Variants in LRMDA observed in about 807,000 individuals in gnomAD.
The protein encoded by LRMDA is leucine-rich melanocyte differentiation-associated protein.
Under a neutral mutation model 29.8 loss-of-function variants are expected in LRMDA, and 18 were observed. The observed-to-expected ratio is 0.60, with a 90% CI of 0.42 to 0.90. LRMDA has a LOEUF of 0.90. Among genes scored for constraint, LRMDA ranks in the 40% least tolerant of loss-of-function variants. The pLI, the probability that LRMDA is intolerant of heterozygous loss-of-function variation, is 0.00. For missense variants in LRMDA, 273 were observed against 273.9 expected (o/e 1.00, Z 0.02); for synonymous variants, 125 against 109.4 (o/e 1.14, Z -0.89).
intron 2 of LRMDA, chr10:75,450,751 C>T (rs1004275566): frequency 1.3e-5 from 2 of 152,224 alleles, no homozygotes; most frequent in Admixed American, 6.5e-5. Context: ...CAGGCCCAAA[C>T]ACATTTCTGC....
chr10:75,889,828 T>C (rs1205672792), intron 2 of LRMDA, among the ~76,000 whole-genome samples: 1 of 152,210 alleles, frequency 6.6e-6, no homozygotes, highest in East Asian at 1.9e-4. Context: ...TTCTATGATA[T>C]GGTTATGTTT....
chr10:75,976,900 T>C (rs577088525), intron 2 of LRMDA, among the ~76,000 whole-genome samples: 2 of 152,178 alleles, frequency 1.3e-5, no homozygotes, highest in Non-Finnish European at 2.9e-5. Context: ...GGTGAATTAA[T>C]GAATAGAAGA....
At chr10:75,802,331 ACG>A (rs746546446) in intron 2 of LRMDA, among the ~76,000 whole-genome samples, 2 of 112,710 alleles carry the variant, frequency 1.8e-5, no homozygotes, top group Non-Finnish European at 3.9e-5. Flanking sequence ...ACACACACAC[ACG>A]CGCACACACA....
At chr10:75,788,918 A>G (rs553305249) in intron 2 of LRMDA, among the ~76,000 whole-genome samples, 1 of 152,272 alleles carries the variant, frequency 6.6e-6, no homozygotes, top group Non-Finnish European at 1.5e-5. Flanking sequence ...AACAGTCAAC[A>G]TAGTTTTACA....
chr10:76,331,582 A>G (rs998236151), intron 6 of LRMDA, among the ~76,000 whole-genome samples: 1 of 152,226 alleles, frequency 6.6e-6, no homozygotes, highest in African/African-American at 2.4e-5. Context: ...ACCTCCTTAG[A>G]GACAAGAATA....
chr10:75,439,866 C>A (rs1221608134), intron 2 of LRMDA, among the ~76,000 whole-genome samples: 2 of 152,094 alleles, frequency 1.3e-5, no homozygotes, highest in African/African-American at 2.4e-5. Flanking sequence ...GCTCCAGCTT[C>A]CCAGAGCAGA....
chr10:75,946,883 C>A (rs1434921074), intron 2 of LRMDA, among the ~76,000 whole-genome samples: 2 of 152,174 alleles, frequency 1.3e-5, no homozygotes, highest in Admixed American at 1.3e-4. Context: ...AACAACACTG[C>A]AGAACTCTAA....
At chr10:75,812,295 C>T (rs1361978527) in intron 2 of LRMDA, among the ~76,000 whole-genome samples, 1 of 151,928 alleles carries the variant, frequency 6.6e-6, no homozygotes, top group Non-Finnish European at 1.5e-5. Flanking sequence ...CAGTTATAAA[C>T]TCTTCGAAAA....
chr10:76,070,625 A>G (rs1039819112), intron 5 of LRMDA, among the ~76,000 whole-genome samples: 2 of 152,226 alleles, frequency 1.3e-5, no homozygotes. Flanking sequence ...GGGGGTACGC[A>G]TTCAGTCCAC....
chr10:76,226,354 G>A (rs532599550), intron 5 of LRMDA, among the ~76,000 whole-genome samples: 44 of 151,962 alleles, frequency 2.9e-4, no homozygotes, highest in African/African-American at 9.4e-4. Flanking sequence ...AGGCTGAAGC[G>A]GGTGGATCAC....
intron 6 of LRMDA, among the ~76,000 whole-genome samples, chr10:76,398,507 G>A (rs1841813830): frequency 1.3e-5 from 2 of 152,180 alleles, no homozygotes; most frequent in Non-Finnish European, 1.5e-5. Flanking sequence ...TAAGATTTAA[G>A]CTTGGATTTT....
chr10:76,386,273 T>C (rs1384952545), intron 6 of LRMDA, among the ~76,000 whole-genome samples: 2 of 152,212 alleles, frequency 1.3e-5, no homozygotes, highest in African/African-American at 2.4e-5. Flanking sequence ...AAAATATTTA[T>C]TAAATGCATA....
chr10:76,328,829 G>T (rs1258723319), intron 6 of LRMDA, among the ~76,000 whole-genome samples: 1 of 152,204 alleles, frequency 6.6e-6, no homozygotes, highest in Non-Finnish European at 1.5e-5. Context: ...AAGGGTGAAT[G>T]CTCCATGTCA....
chr10:76,432,792 C>T (rs1286406305), intron 6 of LRMDA, among the ~76,000 whole-genome samples: 1 of 152,172 alleles, frequency 6.6e-6, no homozygotes, highest in Non-Finnish European at 1.5e-5. Flanking sequence ...TTTGGAAACC[C>T]CACTGTTTCC....
chr10:75,686,550 C>T (rs1589157624), intron 2 of LRMDA, among the ~76,000 whole-genome samples: 1 of 152,188 alleles, frequency 6.6e-6, no homozygotes, highest in Admixed American at 6.5e-5. Context: ...GTGCCTGGCA[C>T]ATAACAGGTG....
chr10:75,717,241 T>C (rs749997925), intron 2 of LRMDA, among the ~76,000 whole-genome samples: 1 of 152,164 alleles, frequency 6.6e-6, no homozygotes. Context: ...GTTGAGAAGA[T>C]GTGAGTGTGA....
At chr10:75,744,755 T>C (rs960370044) in intron 2 of LRMDA, among the ~76,000 whole-genome samples, 1 of 152,190 alleles carries the variant, frequency 6.6e-6, no homozygotes, top group Admixed American at 6.5e-5. Context: ...AATGTGGCCA[T>C]TGAGGCACTT....
At chr10:75,652,497 A>G (rs2132127733) in intron 2 of LRMDA, among the ~76,000 whole-genome samples, 1 of 152,380 alleles carries the variant, frequency 6.6e-6, no homozygotes, top group African/African-American at 2.4e-5. Context: ...ATTTTGTCTG[A>G]TAAACTGCTT....
intron 6 of LRMDA, among the ~76,000 whole-genome samples, chr10:76,393,817 C>T (rs538192059): frequency 6.6e-6 from 1 of 152,218 alleles, no homozygotes; most frequent in South Asian, 2.1e-4. Context: ...GTCTTTAATC[C>T]ACTTTGAGTT....
Sources: gnomAD v4.1 joint callset for allele counts (sites outside exome capture counted in the v4.1 genomes callset) on GRCh38, gnomAD v4.1.1 for gene constraint, MANE v1.5 for transcripts, NCBI Gene and HGNC (gene_info 2026-07-23, HGNC 2026-07-21) for gene names.